RIN3: variants seen among roughly 807,000 people sequenced by gnomAD.
RIN3 encodes Ras and Rab interactor 3.
Under a neutral mutation model 76.3 loss-of-function variants are expected in RIN3, and 54 were observed. That is an observed-to-expected ratio of 0.71 (90% CI 0.57 to 0.89). The LOEUF is 0.89. RIN3 is among the 40% of genes least tolerant of loss of function. The pLI, the probability that RIN3 is intolerant of heterozygous loss-of-function variation, is 0.00. For missense variants in RIN3, 1,256 were observed against 1,322.1 expected (o/e 0.95, Z 0.78); for synonymous variants, 576 against 564.0 (o/e 1.02, Z -0.30).
At chr14:92,535,669 CT>C (rs59009829) in intron 1 of RIN3, among the ~76,000 whole-genome samples, 22,312 of 92,720 alleles carry the variant, frequency 0.24, 2,001 homozygotes, top group East Asian at 0.35. Flanking sequence ...CTGGAACAGA[CT>C]TTTTTTTTTT....
intron 1 of RIN3, among the ~76,000 whole-genome samples, chr14:92,533,676 A>G (rs1429106741): frequency 6.6e-6 from 1 of 152,194 alleles, no homozygotes; most frequent in African/African-American, 2.4e-5. Flanking sequence ...ATGAGGATGC[A>G]AAGGCATAAG....
intron 1 of RIN3, among the ~76,000 whole-genome samples, chr14:92,551,291 C>T (rs1054033760): frequency 1.3e-5 from 2 of 152,222 alleles, no homozygotes; most frequent in Middle Eastern, 3.4e-3. Flanking sequence ...TGGTTAATTC[C>T]TTTTTATTGC....
At position 92,681,522 on chromosome 14, in the gene RIN3, TAG is replaced by T. The variant is rs1888661828; in HGVS notation, c.2468-3460_2468-3459del. Among the ~76,000 whole-genome samples, 1 of 152,210 alleles carries T rather than the reference TAG, an allele frequency of 6.6e-6. No individual in the cohort carries two copies. The highest frequency in any genetic ancestry group is 6.5e-5 in the Admixed American group (1 of 15,276). On this transcript the variant is annotated intron_variant, in intron 8 of 9. Coordinates refer to ENST00000216487, the MANE Select transcript of RIN3 (RefSeq NM_024832.5). The surrounding 1 kb of genome is among the most constrained non-coding windows in gnomAD (Gnocchi z 4.7). ...GTTTGCAGATAAGGAAACTGAGGCATAGAGAGGCCATTAGCTCACCTGAATTA... is the reference window on the plus strand; with the variant it reads ...GTTTGCAGATAAGGAAACTGAGGCATAGAGGCCATTAGCTCACCTGAATTA...
intron 1 of RIN3, among the ~76,000 whole-genome samples, chr14:92,532,174 C>T (rs954327534): frequency 4.6e-5 from 7 of 152,258 alleles, no homozygotes; most frequent in African/African-American, 1.7e-4. Flanking sequence ...AGTGGTCCAC[C>T]TGCTTTGGCC....
intron 3 of RIN3, chr14:92,586,674 T>A (rs932456152): frequency 3.3e-5 from 5 of 152,202 alleles, no homozygotes; most frequent in Non-Finnish European, 7.3e-5. Context: ...TTGCAACCAA[T>A]TAAATATGTG....
At chr14:92,657,833 G>A (rs1263905108) in intron 6 of RIN3, among the ~76,000 whole-genome samples, 1 of 152,210 alleles carries the variant, frequency 6.6e-6, no homozygotes, top group East Asian at 1.9e-4. Context: ...GGATGGCCAT[G>A]GGCCAGCTCC....
At chr14:92,526,493 G>A (rs772260154) in intron 1 of RIN3, among the ~76,000 whole-genome samples, 2 of 151,930 alleles carry the variant, frequency 1.3e-5, no homozygotes, top group Admixed American at 6.6e-5. Flanking sequence ...AGTGGCTCAA[G>A]CCTATAATTC....
In RIN3 at chr14:92,688,663, A is replaced by T; in HGVS notation, c.*411A>T. 1 of 197,476 alleles carries T rather than the reference A, an allele frequency of 5.1e-6. No individual in the cohort carries two copies. The highest frequency in any genetic ancestry group is 1.4e-4 in the East Asian group (1 of 7,178). 12.2% of individuals were successfully genotyped at this position (197,476 alleles called of 1,614,324 possible). A position where few individuals can be genotyped will look rare whatever the true frequency, so the allele number is the denominator to read the frequency against. The stretch of plus-strand genomic sequence containing the variant: ...TTTCCCCAGGACTGGCCTAGGAAGG[A>T]GCACCGGCCACAGCTGCTCCCCGTG... On this transcript the variant is annotated 3_prime_UTR_variant, in exon 10 of 10. Coordinates refer to ENST00000216487, the MANE Select transcript of RIN3 (RefSeq NM_024832.5).
chr14:92,520,411 G>A (rs768989513), intron 1 of RIN3, among the ~76,000 whole-genome samples: 32 of 152,276 alleles, frequency 2.1e-4, no homozygotes, highest in Non-Finnish European at 3.1e-4. Context: ...TCGAGGGGCT[G>A]CCCTAGGGGG....
At chr14:92,597,388 A>C (rs1472301159) in intron 3 of RIN3, among the ~76,000 whole-genome samples, 2 of 152,200 alleles carry the variant, frequency 1.3e-5, no homozygotes, top group African/African-American at 4.8e-5. Flanking sequence ...CAGGGTCCTG[A>C]GGACCAAAAC....
intron 1 of RIN3, among the ~76,000 whole-genome samples, chr14:92,541,599 T>C (rs7151433): frequency 0.23 from 34,757 of 152,134 alleles, 4,234 homozygotes; most frequent in African/African-American, 0.3. Flanking sequence ...ATGTGGGATA[T>C]CCACATGCAA....
intron 2 of RIN3, among the ~76,000 whole-genome samples, chr14:92,559,826 G>A (rs977273699): frequency 2.6e-5 from 4 of 152,168 alleles, no homozygotes; most frequent in African/African-American, 9.7e-5. Context: ...GGGGCCCTTG[G>A]GGATGAAAGA....
At chr14:92,636,011 C>A in intron 4 of RIN3, among the ~76,000 whole-genome samples, 1 of 152,216 alleles carries the variant, frequency 6.6e-6, no homozygotes, top group East Asian at 1.9e-4. Context: ...CAGATGCAGG[C>A]ATTGTCACTT....
intron 2 of RIN3, among the ~76,000 whole-genome samples, chr14:92,556,813 TAA>T (rs1174578010): frequency 3.3e-5 from 5 of 152,210 alleles, no homozygotes; most frequent in Non-Finnish European, 7.3e-5. Context: ...ATGTAAAAAG[TAA>T]AGATCTTTTC....
At chr14:92,667,385 C>A (rs927755372) in intron 7 of RIN3, among the ~76,000 whole-genome samples, 1 of 151,952 alleles carries the variant, frequency 6.6e-6, no homozygotes, top group African/African-American at 2.4e-5. Flanking sequence ...GGCATGGTGG[C>A]GCACACCTGT....
In RIN3 at chr14:92,676,677, G is replaced by T. The variant is rs529931532; in HGVS notation, c.2467+71G>T. 1.9e-6 allele frequency: 3 copies of T among 1,551,654 alleles called. No homozygotes were observed. In the Admixed American group the frequency reaches 5.2e-5, roughly 27 times the overall value. On this transcript the variant is annotated intron_variant, in intron 8 of 9. Transcript: ENST00000216487. ...CTCAGCCACGCCACGGGCACTCTAG[G>T]TGGCCCAACAAGCACCTCCTGGATG...
At chr14:92,657,374 G>GGA (rs1555392172) in intron 6 of RIN3, among the ~76,000 whole-genome samples, 27 of 147,790 alleles carry the variant, frequency 1.8e-4, no homozygotes, top group African/African-American at 6.4e-4. Flanking sequence ...AAACAAAAAA[G>GGA]AAAAAAAAAA....
chr14:92,573,101 C>G (rs184938262), intron 2 of RIN3, among the ~76,000 whole-genome samples: 160 of 152,026 alleles, frequency 1.1e-3, no homozygotes, highest in African/African-American at 3.3e-3. Flanking sequence ...AGGCTGGTCT[C>G]GAACTCCTGA....
At position 92,636,953 on chromosome 14, in the gene RIN3, G is replaced by A. The variant is rs1242718064; in HGVS notation, c.441-4285G>A. ...TGTGTGTGCGTGTGTGCTTGGGCAC[G>A]CGTATGTGTACATTAAAGAAGGGCC... is the stretch of plus-strand genomic sequence containing the variant. On this transcript the variant is annotated intron_variant, in intron 4 of 9. Transcript: ENST00000216487. Among the ~76,000 whole-genome samples, 10 of 152,130 alleles carry A rather than the reference G, an allele frequency of 6.6e-5. No homozygotes were observed. In the East Asian group the frequency reaches 1.2e-3, roughly 18 times the overall value.
Sources: allele counts gnomAD v4.1 joint callset (sites outside exome capture counted in the v4.1 genomes callset), GRCh38; gene constraint gnomAD v4.1.1; non-coding constraint Gnocchi (gnomAD v3.1); transcripts MANE v1.5; gene names NCBI Gene and HGNC (gene_info 2026-07-23, HGNC 2026-07-21).